The following HIVEP1 variants were observed in gnomAD, a reference collection of about 807,000 sequenced individuals.
HIVEP1 encodes the protein HIVEP zinc finger 1, also known as zinc finger protein 40.
HIVEP1 carries 36 observed loss-of-function variants against 180.0 expected under a neutral mutation model. That is an observed-to-expected ratio of 0.20 (90% CI 0.15 to 0.26). HIVEP1 has a LOEUF of 0.26. Ranked by LOEUF, HIVEP1 falls within the 10% of genes least tolerant of loss-of-function variation. The pLI is 1.00. For missense variants in HIVEP1, 3,143 were observed against 3,268.7 expected, an observed-to-expected ratio of 0.96 and a Z score of 0.94; for synonymous variants, 1,239 against 1,239.0, an observed-to-expected ratio of 1.00 and a Z score of 0.00.
chr6:12,018,021 G>A (rs1767937761), intron 2 of HIVEP1, among the ~76,000 whole-genome samples: 1 of 152,242 alleles, frequency 6.6e-6, no homozygotes, highest in African/African-American at 2.4e-5. Flanking sequence ...CATGGCGTGG[G>A]GGGTGCTTAG....
the HIVEP1 span, among the ~76,000 whole-genome samples, chr6:12,207,903 C>CAAAAA: frequency 1.1e-5 from 1 of 91,104 alleles, no homozygotes; most frequent in East Asian, 3.3e-4. Context: ...GACTCTGTCT[C>CAAAAA]AAAAAAAAAA....
At chr6:12,078,901 C>T (rs770744015) in intron 2 of HIVEP1, among the ~76,000 whole-genome samples, 2 of 151,866 alleles carry the variant, frequency 1.3e-5, no homozygotes, top group Non-Finnish European at 2.9e-5. Flanking sequence ...ATCCTTAGCC[C>T]CAAATTCAGG....
intron 7 of HIVEP1, among the ~76,000 whole-genome samples, chr6:12,159,971 G>A (rs1413803455): frequency 2.0e-5 from 3 of 152,124 alleles, no homozygotes; most frequent in African/African-American, 7.2e-5. Flanking sequence ...CAAAGAAAAA[G>A]TAAAAAATTA....
At chr6:12,011,914 G>A (rs1016550537), upstream of HIVEP1, 1 of 19,528 alleles carries the variant, frequency 5.1e-5, no homozygotes, top group African/African-American at 1.9e-4. Context: ...CCCTCCTCCC[G>A]CCCCCGGGGA....
intron 2 of HIVEP1, among the ~76,000 whole-genome samples, chr6:12,041,807 A>G (rs1769742805): frequency 6.6e-6 from 1 of 151,332 alleles, no homozygotes; most frequent in South Asian, 2.1e-4. Context: ...TTAAAGTTCC[A>G]TGCCACCATG....
At chr6:12,057,519 A>G (rs1191672023) in intron 2 of HIVEP1, among the ~76,000 whole-genome samples, 3 of 152,190 alleles carry the variant, frequency 2.0e-5, no homozygotes, top group Non-Finnish European at 2.9e-5. Flanking sequence ...AGATTCCGCA[A>G]TCTCAGAAAT....
intron 2 of HIVEP1, among the ~76,000 whole-genome samples, chr6:12,069,490 C>T (rs547808432): frequency 1.1e-4 from 16 of 145,048 alleles, no homozygotes; most frequent in Middle Eastern, 3.7e-3. Context: ...TGTTAGTACG[C>T]ATATTCTCAC....
Position 12,053,468 on chromosome 6 carries a change from T to C in HIVEP1, c.41-35716T>C, listed in dbSNP as rs1356492192. On this transcript the variant is annotated intron_variant, in intron 2 of 8. Transcript: ENST00000379388. ...TATTATAAGAAAACACCATTAATTA[T>C]AAATTAACTAAAATTTTAGGATATG... Among the ~76,000 whole-genome samples, 3 of 152,142 alleles carry C rather than the reference T, an allele frequency of 2.0e-5. No homozygotes were observed. The East Asian group carries it at 5.8e-4, about 29-fold the overall frequency.
At chr6:12,061,096 G>A (rs534532778) in intron 2 of HIVEP1, among the ~76,000 whole-genome samples, 4 of 152,222 alleles carry the variant, frequency 2.6e-5, no homozygotes, top group East Asian at 3.9e-4. Flanking sequence ...GGGGATGGCC[G>A]ACCTGTCATG....
intron 2 of HIVEP1, among the ~76,000 whole-genome samples, chr6:12,046,149 A>G (rs1770101288): frequency 1.3e-5 from 2 of 152,218 alleles, no homozygotes; most frequent in African/African-American, 4.8e-5. Flanking sequence ...AAGTATCTGA[A>G]TTACCTTTGT....
chr6:12,052,521 A>G (rs1770607540), intron 2 of HIVEP1, among the ~76,000 whole-genome samples: 1 of 152,276 alleles, frequency 6.6e-6, no homozygotes, highest in Non-Finnish European at 1.5e-5. Flanking sequence ...TACAAGAGCT[A>G]ACATACATTG....
intron 2 of HIVEP1, among the ~76,000 whole-genome samples, chr6:12,023,412 C>A (rs983851494): frequency 6.6e-6 from 1 of 152,210 alleles, no homozygotes; most frequent in African/African-American, 2.4e-5. Flanking sequence ...CAGTTCCATG[C>A]TGACAGCCTT....
At chr6:12,176,176 A>C in the HIVEP1 span, among the ~76,000 whole-genome samples, 2 of 150,654 alleles carry the variant, frequency 1.3e-5, no homozygotes, top group East Asian at 3.9e-4. Flanking sequence ...GAAACAGTTG[A>C]TTAGTCAGAG....
rs375066325 is a variant in HIVEP1 at position 12,164,470 on chromosome 6, A to G, written c.*9A>G. 10 of 1,565,598 alleles carry G rather than the reference A, an allele frequency of 6.4e-6. No individual in the cohort carries two copies. The African/African-American group carries it at 1.4e-4, about 22-fold the overall frequency. On this transcript the variant is annotated 3_prime_UTR_variant, in exon 9 of 9. Coordinates refer to ENST00000379388, the MANE Select transcript of HIVEP1 (RefSeq NM_002114.4). ...TTGTGATAGCAACCTGATGGATTTT[A>G]TTTTTTATTTGCTTTTTTTTTATAT...
At chr6:12,200,837 G>A in the HIVEP1 span, among the ~76,000 whole-genome samples, 482 of 152,326 alleles carry the variant, frequency 3.2e-3, 2 homozygotes, top group South Asian at 4.8e-3. Context: ...TATCACCATT[G>A]TTTTAATAAC....
At chr6:12,198,867 G>A in the HIVEP1 span, among the ~76,000 whole-genome samples, 3 of 152,196 alleles carry the variant, frequency 2.0e-5, no homozygotes, top group African/African-American at 7.2e-5. Flanking sequence ...CTAGAATACT[G>A]TTTGACCAAA....
downstream of HIVEP1, among the ~76,000 whole-genome samples, chr6:12,168,313 T>TATATCCATATATACATATATA (rs1760806661): frequency 8.8e-6 from 1 of 113,072 alleles, no homozygotes; most frequent in African/African-American, 3.4e-5. Context: ...ATACATATAT[T>TATATCCATATATACATATATA]ATATACATAT....
At chr6:12,208,457 G>A in the HIVEP1 span, among the ~76,000 whole-genome samples, 3 of 152,178 alleles carry the variant, frequency 2.0e-5, no homozygotes, top group South Asian at 2.1e-4. Context: ...TAGGAAGGAA[G>A]CCTCCTTGCA....
chr6:12,042,234 C>T (rs1417449427), intron 2 of HIVEP1, among the ~76,000 whole-genome samples: 4 of 150,436 alleles, frequency 2.7e-5, no homozygotes, highest in Admixed American at 6.6e-5. Context: ...CGCCCGCCAC[C>T]GCGCCTGGCT....
Sources: gnomAD v4.1 joint callset for allele counts (sites outside exome capture counted in the v4.1 genomes callset) on GRCh38, gnomAD v4.1.1 for gene constraint, MANE v1.5 for transcripts, NCBI Gene and HGNC (gene_info 2026-07-23, HGNC 2026-07-21) for gene names.